Variants in KAT6A observed in about 807,000 individuals in gnomAD.
The protein encoded by KAT6A is lysine acetyltransferase 6A, also known as histone acetyltransferase KAT6A.
Under a neutral mutation model 198.4 loss-of-function variants are expected in KAT6A, and 9 were observed. The observed-to-expected ratio is 0.05, with a 90% confidence interval of 0.03 to 0.08. The LOEUF (loss-of-function observed/expected upper bound fraction) is 0.08. Among genes scored for constraint, KAT6A ranks in the 10% least tolerant of loss-of-function variants. KAT6A has a pLI of 1.00. For synonymous variants in KAT6A, 890 were observed against 883.0 expected, an observed-to-expected ratio of 1.01 and a Z score of -0.14; for missense variants, 2,077 against 2,509.9, an observed-to-expected ratio of 0.83 and a Z score of 3.69.
At chr8:41,999,180 A>C (rs1232542596) in intron 2 of KAT6A, among the ~76,000 whole-genome samples, 1 of 152,188 alleles carries the variant, frequency 6.6e-6, no homozygotes, top group Admixed American at 6.5e-5. Flanking sequence ...TCTATTTCTT[A>C]ATCAGAAGTG....
intron 3 of KAT6A, among the ~76,000 whole-genome samples, chr8:41,987,097 TG>T (rs1824651434): frequency 6.6e-6 from 1 of 152,174 alleles, no homozygotes; most frequent in Non-Finnish European, 1.5e-5. Context: ...GTCATACTAC[TG>T]TATTTTTACT....
intron 6 of KAT6A, 144 bp downstream of exon 6, chr8:41,978,498 G>T: frequency 1.3e-6 from 1 of 781,726 alleles, no homozygotes; most frequent in Non-Finnish European, 2.1e-6. Context: ...CTTATTAAGG[G>T]CTGAATAAGT....
rs11329714 is a variant in KAT6A at position 42,031,617 on chromosome 8, CTTTTTTTTTT to C, written c.600+16751_600+16760del. Among the ~76,000 whole-genome samples the C allele has an allele frequency of 7.7e-4, 50 of 65,108 alleles. No individual in the cohort carries two copies. In the South Asian group the frequency reaches 0.022, roughly 28 times the overall value. 42.7% of individuals were successfully genotyped at this position (65,108 alleles called of 152,430 possible). On this transcript the variant is annotated intron_variant, in intron 2 of 16. Transcript: ENST00000265713. The stretch of plus-strand genomic sequence containing the variant: ...GAAATAAATATTGAAGGAGCATTCA[CTTTTTTTTTT>C]TTTTTTTTTTTTTTTTTTTGGAGAC...
At chr8:42,030,599 C>T (rs1465618840) in intron 2 of KAT6A, among the ~76,000 whole-genome samples, 1 of 151,158 alleles carries the variant, frequency 6.6e-6, no homozygotes, top group African/African-American at 2.4e-5. Flanking sequence ...CAGTTTTGTT[C>T]TGTCACCCAG....
chr8:41,990,733 C>T (rs1310299344), intron 2 of KAT6A, among the ~76,000 whole-genome samples: 1 of 152,176 alleles, frequency 6.6e-6, no homozygotes, highest in African/African-American at 2.4e-5. Context: ...GTGGCTCACA[C>T]CTGTAATCCC....
At position 41,940,865 on chromosome 8, in the gene KAT6A, T is replaced by A; in HGVS notation, c.3016A>T (p.Thr1006Ser). 1.2e-6 allele frequency: 2 copies of A among 1,609,662 alleles called. No homozygotes were observed. The highest frequency in any genetic ancestry group is 1.7e-6 in the Non-Finnish European group (2 of 1,177,132). ...ACCTTTCGCTTCAGCGTGGGCTTTG[T>A]GAGAATTGGTGGCGAGCTTGACCGA... is the stretch of plus-strand genomic sequence containing the variant. ...SPRSSSPPIL[T>S]KPTLKRKKPF... The change falls in exon 15 of 17, where the codon ACA becomes TCA. Residue 1006 changes from threonine to serine, a missense_variant. Physicochemically the swap from Thr to Ser is moderately conservative, Grantham distance 58 (BLOSUM62 1). Transcript: ENST00000265713.
chr8:41,945,603 G>C (rs1369576124), intron 12 of KAT6A, among the ~76,000 whole-genome samples: 2 of 152,084 alleles, frequency 1.3e-5, no homozygotes, highest in African/African-American at 4.8e-5. Flanking sequence ...AATTGAAGTA[G>C]TTATACAATG....
chr8:41,947,080 T>C (rs751952616), intron 11 of KAT6A, among the ~76,000 whole-genome samples: 1 of 152,226 alleles, frequency 6.6e-6, no homozygotes, highest in Non-Finnish European at 1.5e-5. Context: ...TCTCTCCTGC[T>C]CTGGTGCTCC....
chr8:41,996,747 C>T (rs1044585523), intron 2 of KAT6A, among the ~76,000 whole-genome samples: 2 of 152,196 alleles, frequency 1.3e-5, no homozygotes, highest in African/African-American at 4.8e-5. Context: ...GCCCCTTGAT[C>T]TTAGACTTCT....
At chr8:41,992,209 G>GA (rs967282120) in intron 2 of KAT6A, among the ~76,000 whole-genome samples, 35 of 148,530 alleles carry the variant, frequency 2.4e-4, no homozygotes, top group South Asian at 1.1e-3. Context: ...AAAAAAAAAA[G>GA]AAAAAAAAAG....
chr8:41,945,922 C>T lies in KAT6A; in HGVS notation c.1996+669G>A, dbSNP rs921861551. 4.0e-5 allele frequency among the ~76,000 whole-genome samples: 6 copies of T among 150,872 alleles called. 1 individual carries two copies. Among genetic ancestry groups the T allele is most frequent in the African/African-American group, 9.8e-5 (4 of 40,964 alleles). On this transcript the variant is annotated intron_variant, in intron 12 of 16. Transcript: ENST00000265713. ...GCTGGTGCCTGTAGTCCCAGCTACT[C>T]GGGAGGCTGAGGCAGAAGAATAGCC...
At chr8:41,965,224 G>GT (rs1216402785) in intron 8 of KAT6A, among the ~76,000 whole-genome samples, 2 of 152,046 alleles carry the variant, frequency 1.3e-5, no homozygotes, top group Admixed American at 1.3e-4. Flanking sequence ...ATATGCATGG[G>GT]TTTTTTGTAT....
chr8:41,996,293 G>T (rs182390320), intron 2 of KAT6A, among the ~76,000 whole-genome samples: 11 of 152,282 alleles, frequency 7.2e-5, no homozygotes, highest in African/African-American at 2.6e-4. Context: ...ATACAGGTAT[G>T]TGGTTTCTAA....
In KAT6A at chr8:41,933,327, G is replaced by A. The variant is rs1262584493; in HGVS notation, c.4893C>T (p.Ser1631=). ...CCACGCAGCTCTGAGGTGACTTGAT[G>A]CTGCAGTTGGCAGCAGGCTGGACGC... ...QSSVQPAANC[S]IKSPQSCVVE... is the part of the protein sequence containing the mutation. The change falls in exon 17 of 17, where the codon AGC becomes AGT. Residue 1631 remains serine (S), a synonymous_variant. Coordinates refer to ENST00000265713, the MANE Select transcript of KAT6A (RefSeq NM_006766.5). This position sits in a 1 kb window ranked among gnomAD's most constrained non-coding sequence, Gnocchi z 6.2. 6.4e-7 allele frequency: 1 copy of A among 1,574,162 alleles called. No homozygotes were observed. The highest frequency in any genetic ancestry group is 8.6e-7 in the Non-Finnish European group (1 of 1,163,136).
chr8:41,986,586 T>C (rs1824615323), intron 3 of KAT6A, among the ~76,000 whole-genome samples: 2 of 151,904 alleles, frequency 1.3e-5, no homozygotes, highest in South Asian at 4.1e-4. Context: ...GTTTTATATA[T>C]ATAAAAAAAA....
intron 2 of KAT6A, among the ~76,000 whole-genome samples, chr8:42,033,893 C>T (rs897523850): frequency 1.3e-5 from 2 of 151,710 alleles, no homozygotes; most frequent in African/African-American, 2.4e-5. Context: ...AATACAAAGA[C>T]GAAAAACAAG....
intron 2 of KAT6A, among the ~76,000 whole-genome samples, chr8:41,989,556 G>A (rs1302389590): frequency 1.3e-5 from 2 of 151,920 alleles, no homozygotes; most frequent in Non-Finnish European, 2.9e-5. Flanking sequence ...GTGACGTGAC[G>A]TGACGTAACA....
chr8:42,017,117 C>T (rs758530786), intron 2 of KAT6A, among the ~76,000 whole-genome samples: 1 of 152,152 alleles, frequency 6.6e-6, no homozygotes, highest in African/African-American at 2.4e-5. Flanking sequence ...ACAGTGGACT[C>T]ATCTGAGGAC....
At chr8:41,962,601 G>GC (rs756271999) in intron 8 of KAT6A, among the ~76,000 whole-genome samples, 51 of 104,982 alleles carry the variant, frequency 4.9e-4, no homozygotes, top group African/African-American at 1.8e-3. Flanking sequence ...CTTGTATACT[G>GC]CCCCCCGCCC....
Sources: allele counts gnomAD v4.1 joint callset (sites outside exome capture counted in the v4.1 genomes callset), GRCh38; gene constraint gnomAD v4.1.1; non-coding constraint Gnocchi (gnomAD v3.1); transcripts MANE v1.5; gene names NCBI Gene and HGNC (gene_info 2026-07-23, HGNC 2026-07-21).